The following KSR2 variants were observed in gnomAD, a reference collection of about 807,000 sequenced individuals.
The protein encoded by KSR2 is kinase suppressor of ras 2.
A neutral mutation model predicts 107.8 loss-of-function variants in KSR2; 25 were observed. The ratio of observed to expected loss-of-function variants is 0.23; its 90% CI spans 0.17 to 0.32. The LOEUF is 0.32. Among genes scored for constraint, KSR2 ranks in the 10% least tolerant of loss-of-function variants. The pLI is 1.00. For missense variants in KSR2, 887 were observed against 1,268.9 expected, an observed-to-expected ratio of 0.70 and a Z score of 4.57; for synonymous variants, 480 against 507.0, an observed-to-expected ratio of 0.95 and a Z score of 0.71.
intron 7 of KSR2, among the ~76,000 whole-genome samples, chr12:117,577,366 AG>A (rs61379455): frequency 6.9e-6 from 1 of 144,844 alleles, no homozygotes; most frequent in African/African-American, 2.7e-5. Context: ...AGAGAGAGAG[AG>A]GGGGGGAGAG....
At chr12:117,689,600 G>T (rs912218404) in intron 4 of KSR2, among the ~76,000 whole-genome samples, 1 of 151,894 alleles carries the variant, frequency 6.6e-6, no homozygotes, top group Non-Finnish European at 1.5e-5. Flanking sequence ...GCCCCGGGGG[G>T]CATGGGTGGA....
At chr12:117,818,768 C>T (rs1305076472) in intron 3 of KSR2, among the ~76,000 whole-genome samples, 1 of 152,130 alleles carries the variant, frequency 6.6e-6, no homozygotes, top group South Asian at 2.1e-4. Flanking sequence ...AGACAGGGAT[C>T]TTAGTGTTCC....
At chr12:117,795,186 C>T (rs1890578089) in intron 3 of KSR2, among the ~76,000 whole-genome samples, 1 of 152,184 alleles carries the variant, frequency 6.6e-6, no homozygotes, top group African/African-American at 2.4e-5. Context: ...GTTGACAGTG[C>T]CTCGGAAGAA....
At chr12:117,628,956 G>C (rs774241416) in intron 5 of KSR2, among the ~76,000 whole-genome samples, 1 of 152,212 alleles carries the variant, frequency 6.6e-6, no homozygotes, top group Non-Finnish European at 1.5e-5. Context: ...GATCGATCTC[G>C]GACTGCTGCG....
intron 5 of KSR2, among the ~76,000 whole-genome samples, chr12:117,629,036 G>A (rs1033682892): frequency 9.9e-5 from 15 of 152,248 alleles, no homozygotes; most frequent in African/African-American, 3.6e-4. Flanking sequence ...CACCTTGTCT[G>A]CCAGTTGCTA....
At position 117,889,700 on chromosome 12, in the gene KSR2, T is replaced by A. The variant is rs1264419407; in HGVS notation, c.181-29269A>T. The A allele has an allele frequency of 3.9e-5, 6 of 152,212 alleles. No individual in the cohort carries two copies. The East Asian group carries it at 1.2e-3, about 29-fold the overall frequency. The allele number at this position is 152,212 out of a possible 1,614,324, so 9.4% of individuals were successfully genotyped here. ...CACTTCATTCAGAGCTTGCCAAATG[T>A]CAGGAACTTGCTTTATCCTGGACCA... On this transcript the variant is annotated intron_variant, in intron 1 of 19. Transcript: ENST00000339824.
chr12:117,545,475 G>A (rs966167246), intron 9 of KSR2, among the ~76,000 whole-genome samples: 4 of 152,112 alleles, frequency 2.6e-5, no homozygotes, highest in Non-Finnish European at 5.9e-5. Context: ...TTTCCTTAAT[G>A]TTTACAGGGC....
Position 117,525,699 on chromosome 12 carries a change from T to C in KSR2, c.1852-480A>G, listed in dbSNP as rs1184947962. On this transcript the variant is annotated intron_variant, in intron 13 of 19. Transcript: ENST00000339824. ...CGTGCATGTGATAAAGTTGACAGGC[T>C]AGACAGGCTAAAACAATGGGTACAT... 4.6e-5 allele frequency among the ~76,000 whole-genome samples: 7 copies of C among 152,212 alleles called. No homozygotes were observed. The East Asian group carries it at 1.3e-3, about 29-fold the overall frequency.
At chr12:117,597,648 G>A (rs945747317) in intron 5 of KSR2, among the ~76,000 whole-genome samples, 17 of 152,240 alleles carry the variant, frequency 1.1e-4, no homozygotes, top group Non-Finnish European at 2.4e-4. Context: ...TACGACCTCC[G>A]GAATGATTAA....
At chr12:117,526,244 G>T (rs1361752967) in intron 13 of KSR2, among the ~76,000 whole-genome samples, 1 of 152,218 alleles carries the variant, frequency 6.6e-6, no homozygotes, top group Non-Finnish European at 1.5e-5. Flanking sequence ...AGAGTTAAAT[G>T]CTCAAGGTGT....
chr12:117,455,123 C>T lies in KSR2; in HGVS notation c.*12076G>A, dbSNP rs893224491. 3 of 150,708 alleles carry T rather than the reference C, an allele frequency of 2.0e-5. No homozygotes were observed. The highest frequency in any genetic ancestry group is 7.4e-5 in the African/African-American group (3 of 40,602). 9.3% of individuals were successfully genotyped at this position (150,708 alleles called of 1,614,324 possible). The stretch of plus-strand genomic sequence containing the variant: ...GAGCAGGCCTGAGGTGGCCTGAGTA[C>T]TGGTCTGACTCCAGCAAGCACAAAA... On this transcript the variant is annotated 3_prime_UTR_variant, in exon 20 of 20. Coordinates refer to ENST00000339824, the MANE Select transcript of KSR2 (RefSeq NM_173598.6).
intron 12 of KSR2, among the ~76,000 whole-genome samples, chr12:117,530,104 A>G (rs1875508697): frequency 6.6e-6 from 1 of 152,216 alleles, no homozygotes; most frequent in Admixed American, 6.5e-5. Context: ...TTTGGCATAA[A>G]GATAACAAAG....
At chr12:117,870,127 G>A (rs767020289) in intron 1 of KSR2, among the ~76,000 whole-genome samples, 3 of 152,196 alleles carry the variant, frequency 2.0e-5, no homozygotes, top group Non-Finnish European at 4.4e-5. Flanking sequence ...TGCAAAAGTT[G>A]GGCATCGACC....
chr12:117,547,283 C>T (rs966723543), intron 9 of KSR2, among the ~76,000 whole-genome samples: 1 of 152,124 alleles, frequency 6.6e-6, no homozygotes, highest in African/African-American at 2.4e-5. Flanking sequence ...GGTTGAAATC[C>T]AGCTCCCCCA....
intron 1 of KSR2, among the ~76,000 whole-genome samples, chr12:117,942,124 G>A (rs1310350557): frequency 2.0e-5 from 3 of 152,072 alleles, no homozygotes; most frequent in East Asian, 1.9e-4. Flanking sequence ...TATGGGGTTC[G>A]TGTGCTATTT....
intron 4 of KSR2, among the ~76,000 whole-genome samples, chr12:117,674,551 C>T (rs931057461): frequency 9.9e-5 from 15 of 152,136 alleles, no homozygotes; most frequent in African/African-American, 3.4e-4. Flanking sequence ...TCAGCTTTCT[C>T]GCTCTATGGA....
intron 5 of KSR2, among the ~76,000 whole-genome samples, chr12:117,609,546 T>C (rs1432890414): frequency 1.3e-5 from 2 of 152,246 alleles, no homozygotes; most frequent in Non-Finnish European, 1.5e-5. Flanking sequence ...TTTTGTGACA[T>C]GGAAAATTTA....
intron 5 of KSR2, among the ~76,000 whole-genome samples, chr12:117,589,850 A>T (rs1385963787): frequency 2.0e-5 from 3 of 152,198 alleles, no homozygotes; most frequent in Admixed American, 1.3e-4. Flanking sequence ...AGTTGGACAT[A>T]ATTTTCTCCC....
intron 1 of KSR2, among the ~76,000 whole-genome samples, chr12:117,874,287 C>CAGTGACACA (rs1224738849): frequency 6.6e-6 from 1 of 151,972 alleles, no homozygotes. Flanking sequence ...GGCTGGAGTG[C>CAGTGACACA]AGTGACACAA....
Sources: gnomAD v4.1 joint callset for allele counts (sites outside exome capture counted in the v4.1 genomes callset) on GRCh38, gnomAD v4.1.1 for gene constraint, MANE v1.5 for transcripts, NCBI Gene and HGNC (gene_info 2026-07-23, HGNC 2026-07-21) for gene names.